The following EML4 variants were observed in gnomAD, a reference collection of about 807,000 sequenced individuals.
The protein encoded by EML4 is echinoderm microtubule-associated protein-like 4.
EML4 carries 72 observed loss-of-function variants against 129.0 expected under a neutral mutation model. That is an observed-to-expected ratio of 0.56 (90% confidence interval 0.46 to 0.68). The LOEUF is 0.68. EML4 is among the 30% of genes least tolerant of loss of function. The pLI is 0.00. For missense variants in EML4, 1,363 were observed against 1,190.6 expected (o/e 1.14, Z -2.13); for synonymous variants, 532 against 405.0 (o/e 1.31, Z -3.77).
intron 1 of EML4, among the ~76,000 whole-genome samples, chr2:42,214,561 C>G (rs529157912): frequency 6.6e-6 from 1 of 152,168 alleles, no homozygotes; most frequent in African/African-American, 2.4e-5. Context: ...AAAACAAACA[C>G]CTAATACTTA....
Position 42,185,105 on chromosome 2 carries a change from A to AT in EML4, c.25+15479dup, listed in dbSNP as rs557892678. ...TAATATAATACCTGAGCATATATTG[A>AT]TTTTTTTTTTCATTTTATAAAGAAA... On this transcript the variant is annotated intron_variant, in intron 1 of 22. Transcript: ENST00000318522. Among the ~76,000 whole-genome samples the AT allele has an allele frequency of 5.7e-3, 864 of 150,616 alleles. 3 individuals are homozygous for AT. Among genetic ancestry groups the AT allele is most frequent in the Middle Eastern group, 0.01 (3 of 292 alleles).
At chr2:42,212,763 A>G (rs1247269456) in intron 1 of EML4, among the ~76,000 whole-genome samples, 4 of 152,210 alleles carry the variant, frequency 2.6e-5, no homozygotes, top group African/African-American at 4.8e-5. Context: ...CCAGGGCACC[A>G]CAGTACCATT....
intron 6 of EML4, among the ~76,000 whole-genome samples, chr2:42,268,584 A>G (rs566645075): frequency 6.6e-6 from 1 of 152,220 alleles, no homozygotes; most frequent in Admixed American, 6.5e-5. Flanking sequence ...CTACAGGCAC[A>G]TACCACAACA....
chr2:42,237,909 G>A (rs985340229), intron 1 of EML4, among the ~76,000 whole-genome samples: 1 of 152,120 alleles, frequency 6.6e-6, no homozygotes, highest in Non-Finnish European at 1.5e-5. Context: ...GTATGAATAA[G>A]TTTTAAAAAG....
intron 3 of EML4, among the ~76,000 whole-genome samples, chr2:42,260,764 A>G (rs192719110): frequency 1.3e-5 from 2 of 152,330 alleles, no homozygotes; most frequent in East Asian, 3.9e-4. Flanking sequence ...TTTTGGCATC[A>G]GTCGGTATGC....
intron 1 of EML4, among the ~76,000 whole-genome samples, chr2:42,237,383 T>C (rs1239488392): frequency 6.6e-6 from 1 of 152,182 alleles, no homozygotes; most frequent in Non-Finnish European, 1.5e-5. Flanking sequence ...TTTTGGTGTC[T>C]TTTTTGGACC....
chr2:42,205,638 T>C (rs1269531510), intron 1 of EML4, among the ~76,000 whole-genome samples: 1 of 152,118 alleles, frequency 6.6e-6, no homozygotes, highest in Non-Finnish European at 1.5e-5. Context: ...AGGGTTTTTG[T>C]TGTTGTTGTT....
chr2:42,257,005 C>G (rs1408086894), intron 3 of EML4, among the ~76,000 whole-genome samples: 6 of 151,994 alleles, frequency 3.9e-5, no homozygotes, highest in Non-Finnish European at 8.8e-5. Context: ...ACAGAATCTT[C>G]GATATATCTA....
chr2:42,217,210 GT>G (rs1673249180), intron 1 of EML4, among the ~76,000 whole-genome samples: 1 of 152,032 alleles, frequency 6.6e-6, no homozygotes, highest in Non-Finnish European at 1.5e-5. Context: ...AATTTTATTT[GT>G]TTTTGTAGTG....
intron 13 of EML4, among the ~76,000 whole-genome samples, chr2:42,300,508 T>C (rs965617686): frequency 6.6e-6 from 1 of 152,210 alleles, no homozygotes; most frequent in Non-Finnish European, 1.5e-5. Flanking sequence ...TGGGCTGTTA[T>C]TTAGCCATCA....
rs560192806 is a variant in EML4, at chr2:42,240,559, A to G, written c.26-4946A>G. 5.9e-5 allele frequency among the ~76,000 whole-genome samples: 9 copies of G among 152,262 alleles called. No homozygotes were observed. In the South Asian group the frequency reaches 8.3e-4, roughly 14 times the overall value. ...CTTAAGTCATCTTGTAGATTTTTCA[A>G]ATTTTTAGCTTATGCTCCTACTCTG... On this transcript the variant is annotated intron_variant, in intron 1 of 22. Coordinates refer to ENST00000318522, the MANE Select transcript of EML4 (RefSeq NM_019063.5).
intron 17 of EML4, 102 bp from the exon 18 acceptor site, chr2:42,315,860 G>C (rs1669216705): frequency 7.4e-6 from 6 of 810,886 alleles, no homozygotes; most frequent in Non-Finnish European, 1.2e-5. Context: ...CCAGCGTTAT[G>C]ACAAAGCAAG....
chr2:42,191,284 C>G (rs137966629), intron 1 of EML4, among the ~76,000 whole-genome samples: 174 of 152,168 alleles, frequency 1.1e-3, no homozygotes, highest in South Asian at 3.7e-3. Flanking sequence ...AGAACTCTGT[C>G]TCTTCCATTT....
At chr2:42,294,415 G>C (rs139877285) in intron 11 of EML4, among the ~76,000 whole-genome samples, 1 of 152,226 alleles carries the variant, frequency 6.6e-6, no homozygotes, top group South Asian at 2.1e-4. Flanking sequence ...TTTTGTTGAG[G>C]CTGGGCGCAA....
rs763189336 is a variant in EML4 at position 42,325,431 on chromosome 2, T to C, written c.2155-36T>C. On this transcript the variant is annotated intron_variant, in intron 19 of 22. Transcript: ENST00000318522. ...TTGAACTGTTTATCATTCAGAACTC[T>C]AAATGCTTTCTAACAATTTATCTGT... is the stretch of plus-strand genomic sequence containing the variant. 4 of 999,332 alleles carry C rather than the reference T, an allele frequency of 4.0e-6. No homozygotes were observed. In the African/African-American group the frequency reaches 4.6e-5, roughly 12 times the overall value. 61.9% of individuals were successfully genotyped at this position (999,332 alleles called of 1,614,324 possible). A position where few individuals can be genotyped will look rare whatever the true frequency, so the allele number is the denominator to read the frequency against.
chr2:42,222,347 G>A (rs1016799371), intron 1 of EML4, among the ~76,000 whole-genome samples: 2 of 151,976 alleles, frequency 1.3e-5, no homozygotes, highest in African/African-American at 4.8e-5. Flanking sequence ...TGTATCCTGT[G>A]AGCCAAAAAT....
intron 1 of EML4, among the ~76,000 whole-genome samples, chr2:42,231,404 C>G (rs1373564057): frequency 6.6e-6 from 1 of 152,178 alleles, no homozygotes; most frequent in Non-Finnish European, 1.5e-5. Context: ...ATTCAGGCCT[C>G]TATCTTAAGC....
At chr2:42,266,130 C>A (rs868761992) in intron 6 of EML4, among the ~76,000 whole-genome samples, 2 of 152,072 alleles carry the variant, frequency 1.3e-5, no homozygotes, top group African/African-American at 2.4e-5. Context: ...ATTTTTACTT[C>A]TTTCGTTCCA....
At chr2:42,295,343 C>T in intron 12 of EML4, 38 bp from the exon 13 acceptor site, 2 of 1,604,802 alleles carry the variant, frequency 1.2e-6, no homozygotes, top group Non-Finnish European at 1.7e-6. Flanking sequence ...GTTGTCATGG[C>T]AAAAAGAAAA....
Sources: allele counts gnomAD v4.1 joint callset (sites outside exome capture counted in the v4.1 genomes callset), GRCh38; gene constraint gnomAD v4.1.1; transcripts MANE v1.5; gene names NCBI Gene and HGNC (gene_info 2026-07-23, HGNC 2026-07-21).